Variants in RPRD1B observed in about 807,000 individuals in gnomAD.
The protein encoded by RPRD1B is regulation of nuclear pre-mRNA domain containing 1B, also known as regulation of nuclear pre-mRNA domain-containing protein 1B.
A neutral mutation model predicts 41.5 loss-of-function variants in RPRD1B; 11 were observed. The observed-to-expected ratio is 0.27, with a 90% confidence interval of 0.17 to 0.44. The LOEUF (loss-of-function observed/expected upper bound fraction) is 0.44. Among genes scored for constraint, RPRD1B ranks in the 20% least tolerant of loss-of-function variants. RPRD1B has a pLI of 1.00. For missense variants in RPRD1B, 248 were observed against 389.9 expected (o/e 0.64, Z 3.06); for synonymous variants, 158 against 155.6 (o/e 1.02, Z -0.12).
chr20:38,071,675 GT>G (rs1368252492), intron 6 of RPRD1B, among the ~76,000 whole-genome samples: 1 of 152,170 alleles, frequency 6.6e-6, no homozygotes, highest in African/African-American at 2.4e-5. Context: ...GTGGGTTCCA[GT>G]TTCTCCACAT....
chr20:38,034,247 C>A, intron 1 of RPRD1B, 149 bp downstream of exon 1: 2 of 925,792 alleles, frequency 2.2e-6, no homozygotes, highest in South Asian at 1.9e-5. Flanking sequence ...CCCCATTTCT[C>A]GAAGAAGGAA....
chr20:38,092,036 A>G lies in RPRD1B; in HGVS notation c.*2161A>G. ...GTCCACATCCTCCCAAAGTGTGCTTACTTCATTTGTTTAATTTAAATGAAC... is the reference window on the plus strand; with the variant it reads ...GTCCACATCCTCCCAAAGTGTGCTTGCTTCATTTGTTTAATTTAAATGAAC... On this transcript the variant is annotated 3_prime_UTR_variant, in exon 7 of 7. Coordinates refer to ENST00000373433, the MANE Select transcript of RPRD1B (RefSeq NM_021215.4). The G allele has an allele frequency of 2.0e-6, 2 of 985,858 alleles. No homozygotes were observed. The allele number at this position is 985,858 out of a possible 1,614,324, so 61.1% of individuals were successfully genotyped here.
At chr20:38,083,218 CTAAA>C (rs1016835239) in intron 6 of RPRD1B, among the ~76,000 whole-genome samples, 1 of 151,836 alleles carries the variant, frequency 6.6e-6, no homozygotes, top group African/African-American at 2.4e-5. Context: ...AAAAAAAAAA[CTAAA>C]TAGTTTGTCT....
At position 38,090,492 on chromosome 20, in the gene RPRD1B, T is replaced by C. The variant is rs1161041305; in HGVS notation, c.*617T>C. ...GTAAACAGATTGGAGAATCTAGCAA[T>C]AAGATTCAAAGCTAATCTGGAGCAT... On this transcript the variant is annotated 3_prime_UTR_variant, in exon 7 of 7. Coordinates refer to ENST00000373433, the MANE Select transcript of RPRD1B (RefSeq NM_021215.4). 1 of 985,800 alleles carries C rather than the reference T, an allele frequency of 1.0e-6. No homozygotes were observed. Among genetic ancestry groups the C allele is most frequent in the Non-Finnish European group, 1.2e-6 (1 of 829,982 alleles). 61.1% of individuals were successfully genotyped at this position (985,800 alleles called of 1,614,324 possible).
In RPRD1B at chr20:38,057,528, C is replaced by G. The variant is rs777955196; in HGVS notation, c.416-4C>G. The G allele has an allele frequency of 1.2e-6, 2 of 1,600,950 alleles. No homozygotes were observed. Among genetic ancestry groups the G allele is most frequent in the South Asian group, 1.1e-5 (1 of 90,782 alleles). ...TCAAATTTATTACTTTCTCTTTTGT[C>G]TAGCAACAGAAGAGAAGAAATCTCT... is the stretch of plus-strand genomic sequence containing the variant. On this transcript the variant is annotated splice_polypyrimidine_tract_variant and splice_region_variant and intron_variant, in intron 3 of 6. Coordinates refer to ENST00000373433, the MANE Select transcript of RPRD1B (RefSeq NM_021215.4).
chr20:38,089,163 T>TC (rs1057209429), intron 6 of RPRD1B, among the ~76,000 whole-genome samples: 31 of 152,096 alleles, frequency 2.0e-4, no homozygotes, highest in Non-Finnish European at 3.7e-4. Context: ...GCCCTAGGGG[T>TC]CAGGAGGCCT....
intron 1 of RPRD1B, among the ~76,000 whole-genome samples, chr20:38,036,827 A>C (rs1392454283): frequency 1.3e-5 from 2 of 152,246 alleles, no homozygotes; most frequent in Non-Finnish European, 2.9e-5. Flanking sequence ...CTAAAGTTTT[A>C]AGTAGATAGA....
At chr20:38,087,235 T>C (rs2074570377) in intron 6 of RPRD1B, among the ~76,000 whole-genome samples, 1 of 152,330 alleles carries the variant, frequency 6.6e-6, no homozygotes, top group East Asian at 1.9e-4. Context: ...GCTGGGATTA[T>C]AGGCATGAGC....
At chr20:38,037,902 C>G (rs956181458) in intron 1 of RPRD1B, among the ~76,000 whole-genome samples, 19 of 151,614 alleles carry the variant, frequency 1.3e-4, no homozygotes, top group African/African-American at 3.6e-4. Context: ...TAAAGCTTCA[C>G]TTAATGAAAT....
At chr20:38,065,916 C>T (rs2074349703) in intron 5 of RPRD1B, 165 bp from the exon 6 acceptor site, 2 of 624,452 alleles carry the variant, frequency 3.2e-6, no homozygotes, top group African/African-American at 3.7e-5. Flanking sequence ...GAGTGAATGC[C>T]TTTGGATTTC....
In RPRD1B at chr20:38,090,946, C is replaced by A. The variant is rs6091816; in HGVS notation, c.*1071C>A. 2 of 985,058 alleles carry A rather than the reference C, an allele frequency of 2.0e-6. No individual in the cohort carries two copies. The highest frequency in any genetic ancestry group is 1.7e-5 in the African/African-American group (1 of 57,204). 61.0% of individuals were successfully genotyped at this position (985,058 alleles called of 1,614,324 possible). On this transcript the variant is annotated 3_prime_UTR_variant, in exon 7 of 7. Transcript: ENST00000373433. ...GTCCCCACACGACGGGGAGTACTTG[C>A]GTCAGATGTTATTGAATAGCTCGTC...
chr20:38,063,141 C>T (rs558401802), intron 5 of RPRD1B, among the ~76,000 whole-genome samples: 2 of 152,232 alleles, frequency 1.3e-5, no homozygotes, highest in South Asian at 2.1e-4. Flanking sequence ...CTGCCTGAAA[C>T]GTTCCTCCCA....
chr20:38,057,521 C>T lies in RPRD1B; in HGVS notation c.416-11C>T. 6.2e-7 allele frequency: 1 copy of T among 1,602,918 alleles called. No individual in the cohort carries two copies. The highest frequency in any genetic ancestry group is 8.5e-7 in the Non-Finnish European group (1 of 1,169,822). Reference sequence around the variant, plus strand: ...ATGTGACTCAAATTTATTACTTTCTCTTTTGTCTAGCAACAGAAGAGAAGA... The same window carrying T: ...ATGTGACTCAAATTTATTACTTTCTTTTTTGTCTAGCAACAGAAGAGAAGA... On this transcript the variant is annotated splice_polypyrimidine_tract_variant and intron_variant, in intron 3 of 6. Coordinates refer to ENST00000373433, the MANE Select transcript of RPRD1B (RefSeq NM_021215.4).
At chr20:38,072,474 G>A (rs1600429036) in intron 6 of RPRD1B, among the ~76,000 whole-genome samples, 1 of 152,156 alleles carries the variant, frequency 6.6e-6, no homozygotes. Context: ...TTCTTTTTCA[G>A]TATTGTTTTG....
At chr20:38,043,009 C>G (rs1193841616) in intron 2 of RPRD1B, among the ~76,000 whole-genome samples, 1 of 152,214 alleles carries the variant, frequency 6.6e-6, no homozygotes, top group Non-Finnish European at 1.5e-5. Context: ...CTGTCCATGT[C>G]ATTTTTCATT....
chr20:38,033,884 C>T lies in RPRD1B; in HGVS notation c.-64C>T, dbSNP rs1316035028. The stretch of plus-strand genomic sequence containing the variant: ...GTCAGGTGAGGCCCCGGCCTCGTGC[C>T]GTCGCTCTTCCCGCCGCACTGGGCG... On this transcript the variant is annotated 5_prime_UTR_variant, in exon 1 of 7. Transcript: ENST00000373433. 1.1e-5 allele frequency: 16 copies of T among 1,494,270 alleles called. No homozygotes were observed. The highest frequency in any genetic ancestry group is 2.4e-5 in the East Asian group (1 of 42,070). The allele number at this position is 1,494,270 out of a possible 1,614,324, so 92.6% of individuals were successfully genotyped here. A position where few individuals can be genotyped will look rare whatever the true frequency, so the allele number is the denominator to read the frequency against.
chr20:38,043,230 T>A (rs1024272556), intron 2 of RPRD1B, among the ~76,000 whole-genome samples: 7 of 152,200 alleles, frequency 4.6e-5, no homozygotes, highest in African/African-American at 1.7e-4. Flanking sequence ...TTTGCGGTAA[T>A]CATGCGAAGC....
rs2073961292 is a variant in RPRD1B, at chr20:38,033,937, C to G, written c.-11C>G. 1.2e-6 allele frequency: 2 copies of G among 1,603,714 alleles called. No individual in the cohort carries two copies. The highest frequency in any genetic ancestry group is 1.7e-6 in the Non-Finnish European group (2 of 1,174,430). On this transcript the variant is annotated 5_prime_UTR_variant, in exon 1 of 7. Coordinates refer to ENST00000373433, the MANE Select transcript of RPRD1B (RefSeq NM_021215.4). ...CCAGGCCGCTCCCTGCCGGGCCTCA[C>G]TGCCGCCACCATGTCCTCCTTCTCT...
chr20:38,059,594 TTAAC>T, intron 5 of RPRD1B, 74 bp downstream of exon 5: 1 of 1,453,776 alleles, frequency 6.9e-7, no homozygotes, highest in Non-Finnish European at 9.4e-7. Context: ...TAGGCCATAC[TTAAC>T]GTCTGCAGGT....
Sources: allele counts gnomAD v4.1 joint callset (sites outside exome capture counted in the v4.1 genomes callset), GRCh38; gene constraint gnomAD v4.1.1; transcripts MANE v1.5; gene names NCBI Gene and HGNC (gene_info 2026-07-23, HGNC 2026-07-21).